UNC79: variants seen among roughly 807,000 people sequenced by gnomAD.
UNC79 encodes the protein unc-79 subunit of NALCN channel complex, also known as protein unc-79 homolog.
UNC79 carries 37 observed loss-of-function variants against 283.1 expected under a neutral mutation model. That is an observed-to-expected ratio of 0.13 (90% CI 0.10 to 0.17). The LOEUF is 0.17. Ranked by LOEUF, UNC79 falls within the 10% of genes least tolerant of loss-of-function variation. The pLI, the probability that UNC79 is intolerant of heterozygous loss-of-function variation, is 1.00. For missense variants in UNC79, 2,272 were observed against 3,211.1 expected, an observed-to-expected ratio of 0.71 and a Z score of 7.07; for synonymous variants, 1,107 against 1,200.2, an observed-to-expected ratio of 0.92 and a Z score of 1.61.
intron 1 of UNC79, among the ~76,000 whole-genome samples, chr14:93,389,137 A>G (rs1185118847): frequency 2.0e-5 from 3 of 152,196 alleles, no homozygotes; most frequent in African/African-American, 7.2e-5. Flanking sequence ...AGTGACATTT[A>G]GACAACATAA....
chr14:93,697,071 A>G (rs1346112653), intron 47 of UNC79, among the ~76,000 whole-genome samples: 1 of 152,170 alleles, frequency 6.6e-6, no homozygotes, highest in East Asian at 1.9e-4. Context: ...CAAAAATCAA[A>G]TAACTATACA....
chr14:93,582,093 A>G, intron 19 of UNC79, 110 bp from the exon 20 acceptor site: 1 of 1,554,580 alleles, frequency 6.4e-7, no homozygotes, highest in East Asian at 2.2e-5. Flanking sequence ...CCTCAGCAGC[A>G]TGGGACCCGA....
At chr14:93,604,804 C>A in intron 26 of UNC79, 92 bp from the exon 27 acceptor site, 1 of 1,241,866 alleles carries the variant, frequency 8.1e-7, no homozygotes, top group Non-Finnish European at 1.0e-6. Flanking sequence ...GAAACCTGCC[C>A]CTACTATCCC....
intron 8 of UNC79, among the ~76,000 whole-genome samples, chr14:93,527,335 A>G (rs1237396656): frequency 6.6e-6 from 1 of 152,244 alleles, no homozygotes; most frequent in Non-Finnish European, 1.5e-5. Context: ...ATGCTCCAAC[A>G]GCAGAATTGA....
chr14:93,594,264 T>C (rs2064896952), intron 23 of UNC79, among the ~76,000 whole-genome samples: 1 of 151,936 alleles, frequency 6.6e-6, no homozygotes, highest in East Asian at 1.9e-4. Context: ...ATGCCAGAAA[T>C]TGAGGTTTTT....
chr14:93,583,940 G>C (rs2141813297), intron 20 of UNC79, among the ~76,000 whole-genome samples: 1 of 151,978 alleles, frequency 6.6e-6, no homozygotes, highest in East Asian at 1.9e-4. Context: ...AGAGTAGCTG[G>C]GACCACAGAC....
chr14:93,353,610 G>C (rs2054022316), intron 1 of UNC79, among the ~76,000 whole-genome samples: 1 of 152,146 alleles, frequency 6.6e-6, no homozygotes, highest in African/African-American at 2.4e-5. Flanking sequence ...CTGAAATCCA[G>C]ATAATTTTGT....
intron 1 of UNC79, among the ~76,000 whole-genome samples, chr14:93,343,961 A>G (rs980217718): frequency 2.6e-5 from 4 of 151,516 alleles, no homozygotes; most frequent in Admixed American, 2.6e-4. Context: ...TGTGACTTGC[A>G]GAAATTAAAC....
At chr14:93,645,359 T>C (rs1023964945) in intron 34 of UNC79, among the ~76,000 whole-genome samples, 1 of 152,188 alleles carries the variant, frequency 6.6e-6, no homozygotes, top group Non-Finnish European at 1.5e-5. Flanking sequence ...TATATTTAAA[T>C]CTCTACCTCC....
In UNC79 at chr14:93,655,413, C is replaced by A; in HGVS notation, c.6456+6C>A. On this transcript the variant is annotated splice_donor_region_variant and intron_variant, in intron 38 of 48. Transcript: ENST00000555664. ...CTTGTGTTTTACCTCTGAAGGTAAG[C>A]TGAGCCGAAGGTTTCATTTTCAATT... The A allele has an allele frequency of 1.2e-6, 2 of 1,611,718 alleles. No individual in the cohort carries two copies. The highest frequency in any genetic ancestry group is 2.2e-5 in the East Asian group (1 of 44,838).
chr14:93,402,585 A>G (rs1202727988), intron 1 of UNC79, among the ~76,000 whole-genome samples: 1 of 152,204 alleles, frequency 6.6e-6, no homozygotes, highest in Admixed American at 6.5e-5. Flanking sequence ...CACAAAGACA[A>G]TCAGTGAATT....
chr14:93,681,351 G>T (rs559286151), intron 41 of UNC79, among the ~76,000 whole-genome samples: 6 of 152,302 alleles, frequency 3.9e-5, no homozygotes, highest in Admixed American at 3.9e-4. Context: ...GAAGTCTAAG[G>T]GTTCCTTGGC....
intron 1 of UNC79, among the ~76,000 whole-genome samples, chr14:93,399,596 G>A (rs143158632): frequency 0.014 from 2,127 of 152,252 alleles, 23 homozygotes; most frequent in Middle Eastern, 0.034. Context: ...CAGGCACTGT[G>A]CCAAGCACTT....
At chr14:93,627,426 GTATT>G (rs1304534559) in intron 30 of UNC79, among the ~76,000 whole-genome samples, 1 of 152,166 alleles carries the variant, frequency 6.6e-6, no homozygotes, top group Non-Finnish European at 1.5e-5. Flanking sequence ...CTTACAACAA[GTATT>G]TATTTAGTTC....
At chr14:93,585,569 A>G (rs971877722) in intron 20 of UNC79, among the ~76,000 whole-genome samples, 1 of 152,246 alleles carries the variant, frequency 6.6e-6, no homozygotes, top group Admixed American at 6.5e-5. Flanking sequence ...TATCTAGATC[A>G]AGAGAATTTG....
chr14:93,679,373 C>T (rs1339062516), intron 41 of UNC79, among the ~76,000 whole-genome samples: 1 of 152,120 alleles, frequency 6.6e-6, no homozygotes, highest in African/African-American at 2.4e-5. Flanking sequence ...GCAGGAGAAT[C>T]GCTTGAGCCC....
At chr14:93,494,697 T>A (rs901997349) in intron 5 of UNC79, among the ~76,000 whole-genome samples, 2 of 152,170 alleles carry the variant, frequency 1.3e-5, no homozygotes, top group Non-Finnish European at 2.9e-5. Flanking sequence ...GGAGTGGTTC[T>A]GTGATTAGGC....
At chr14:93,657,449 T>A (rs977258013) in intron 38 of UNC79, among the ~76,000 whole-genome samples, 3 of 151,826 alleles carry the variant, frequency 2.0e-5, no homozygotes, top group Admixed American at 2.0e-4. Context: ...CCTCCTGGGT[T>A]CACGCCATTC....
intron 40 of UNC79, among the ~76,000 whole-genome samples, chr14:93,663,817 A>G (rs1250130381): frequency 1.3e-5 from 2 of 152,128 alleles, no homozygotes; most frequent in African/African-American, 4.8e-5. Context: ...AAGATTTTCT[A>G]TTTCTAGAAA....
Sources: allele counts gnomAD v4.1 joint callset (sites outside exome capture counted in the v4.1 genomes callset), GRCh38; gene constraint gnomAD v4.1.1; transcripts MANE v1.5; gene names NCBI Gene and HGNC (gene_info 2026-07-23, HGNC 2026-07-21).